PCDHGA1: variants seen among roughly 807,000 people sequenced by gnomAD.
PCDHGA1 encodes protocadherin gamma subfamily A, 1, also known as protocadherin gamma-A1.
In PCDHGA1, 32 loss-of-function variants were observed where a neutral mutation model predicts 58.0. The observed-to-expected ratio is 0.55, with a 90% CI of 0.42 to 0.74. PCDHGA1 has a LOEUF of 0.74. Among genes scored for constraint, PCDHGA1 ranks in the 30% least tolerant of loss-of-function variants. PCDHGA1 has a pLI of 0.00. For missense variants in PCDHGA1, 1,205 were observed against 1,182.3 expected (o/e 1.02, Z -0.28); for synonymous variants, 498 against 501.1 (o/e 0.99, Z 0.08).
intron 1 of PCDHGA1, chr5:141,385,135 G>A (rs948872903): frequency 6.2e-7 from 1 of 1,614,214 alleles, no homozygotes; most frequent in Admixed American, 1.7e-5. Context: ...CATGGACGGG[G>A]TGCAGGCTTT....
At position 141,487,488 on chromosome 5, in the gene PCDHGA1, G is replaced by A; in HGVS notation, c.2422-7319G>A. ...GATGTGGGAGGCCACTCTCATGGCT[G>A]TACACCCTTGGCTTCTGCACCCACT... On this transcript the variant is annotated intron_variant, in intron 1 of 3. Transcript: ENST00000517417. This position sits in a 1 kb window ranked among gnomAD's most constrained non-coding sequence, Gnocchi z 5.0. The A allele has an allele frequency of 6.2e-7, 1 of 1,614,204 alleles. No homozygotes were observed. The highest frequency in any genetic ancestry group is 8.5e-7 in the Non-Finnish European group (1 of 1,180,038).
At chr5:141,369,364 A>G (rs1766184094) in intron 1 of PCDHGA1, among the ~76,000 whole-genome samples, 2 of 152,320 alleles carry the variant, frequency 1.3e-5, no homozygotes, top group African/African-American at 4.8e-5. Context: ...ATGAAAAAAC[A>G]TCCTTTGTAA....
rs150878327 is a variant in PCDHGA1 at position 141,438,347 on chromosome 5, C to A, written c.2422-56460C>A. On this transcript the variant is annotated intron_variant, in intron 1 of 3. Coordinates refer to ENST00000517417, the MANE Select transcript of PCDHGA1 (RefSeq NM_018912.3). ...CTTATACATGTCATATAAGGATCTACTCTGTGTATTGTCATTGAGGGCAGA... is the reference window on the plus strand; with the variant it reads ...CTTATACATGTCATATAAGGATCTAATCTGTGTATTGTCATTGAGGGCAGA... Among the ~76,000 whole-genome samples the A allele has an allele frequency of 3.9e-3, 588 of 151,848 alleles. 6 individuals are homozygous for A. Among genetic ancestry groups the A allele is most frequent in the Admixed American group, 0.011 (169 of 15,256 alleles).
At chr5:141,446,922 T>G (rs939249512) in intron 1 of PCDHGA1, among the ~76,000 whole-genome samples, 1 of 152,220 alleles carries the variant, frequency 6.6e-6, no homozygotes, top group Non-Finnish European at 1.5e-5. Context: ...TTTATCTTCC[T>G]GATCTCTTTT....
intron 1 of PCDHGA1, chr5:141,339,238 G>A: frequency 7.4e-6 from 12 of 1,614,270 alleles, no homozygotes; most frequent in Middle Eastern, 1.6e-4. Flanking sequence ...CTGCGAACAG[G>A]ATAGACCGGG....
In PCDHGA1 at chr5:141,476,034, C is replaced by G. The variant is rs934044974; in HGVS notation, c.2422-18773C>G. On this transcript the variant is annotated intron_variant, in intron 1 of 3. Transcript: ENST00000517417. This position sits in a 1 kb window ranked among gnomAD's most constrained non-coding sequence, Gnocchi z 7.6. ...CCATGTCGGACTCGGCGCCCAGCGC[C>G]CAAGCGCTAACCCGCTGAAAGTTTC... The G allele has an allele frequency of 2.0e-6, 3 of 1,464,488 alleles. No homozygotes were observed. Among genetic ancestry groups the G allele is most frequent in the Non-Finnish European group, 2.7e-6 (3 of 1,100,656 alleles). 90.7% of individuals were successfully genotyped at this position (1,464,488 alleles called of 1,614,324 possible). A position where few individuals can be genotyped will look rare whatever the true frequency, so the allele number is the denominator to read the frequency against.
chr5:141,418,773 A>G, intron 1 of PCDHGA1: 2 of 1,613,904 alleles, frequency 1.2e-6, no homozygotes, highest in Non-Finnish European at 1.7e-6. Flanking sequence ...CTAACTCAGC[A>G]GCCTTTGGAT....
intron 1 of PCDHGA1, among the ~76,000 whole-genome samples, chr5:141,430,014 G>A (rs925858697): frequency 6.6e-6 from 1 of 152,130 alleles, no homozygotes; most frequent in South Asian, 2.1e-4. Context: ...TTTCACTTGG[G>A]TTCTTGTTAA....
Position 141,491,478 on chromosome 5 carries a change from C to A in PCDHGA1, c.2422-3329C>A. ...CCCCGGACTTCTATAAGCAGTCCAG[C>A]CCCAACCTGCAGGTGAGCTCGGACG... On this transcript the variant is annotated intron_variant, in intron 1 of 3. Coordinates refer to ENST00000517417, the MANE Select transcript of PCDHGA1 (RefSeq NM_018912.3). The surrounding 1 kb of genome is among the most constrained non-coding windows in gnomAD (Gnocchi z 6.9). 6.2e-7 allele frequency: 1 copy of A among 1,614,068 alleles called. No individual in the cohort carries two copies. Among genetic ancestry groups the A allele is most frequent in the Non-Finnish European group, 8.5e-7 (1 of 1,180,004 alleles).
In PCDHGA1 at chr5:141,408,807, G is replaced by A. The variant is rs372007066; in HGVS notation, c.2421+75702G>A. On this transcript the variant is annotated intron_variant, in intron 1 of 3. Transcript: ENST00000517417. ...TTATCTCTGGAGAAACTCCTAGACCGGGAAGAACAGAGATCTCATAGCTTG... is the reference window on the plus strand; with the variant it reads ...TTATCTCTGGAGAAACTCCTAGACCAGGAAGAACAGAGATCTCATAGCTTG... 1.2e-5 allele frequency: 20 copies of A among 1,612,986 alleles called. No homozygotes were observed. Among genetic ancestry groups the A allele is most frequent in the Middle Eastern group, 1.6e-4 (1 of 6,084 alleles).
chr5:141,390,052 G>C (rs2092030783), intron 1 of PCDHGA1: 1 of 1,613,960 alleles, frequency 6.2e-7, no homozygotes, highest in Non-Finnish European at 8.5e-7. Context: ...GCCTCCTGGA[G>C]CTGCTTCCAG....
intron 1 of PCDHGA1, chr5:141,409,566 C>T: frequency 2.5e-6 from 4 of 1,613,978 alleles, no homozygotes; most frequent in Middle Eastern, 1.6e-4. Context: ...TTCGACCAGA[C>T]GTCCTACGTG....
chr5:141,372,725 A>G (rs1258286952), intron 1 of PCDHGA1: 4 of 1,613,884 alleles, frequency 2.5e-6, no homozygotes, highest in Admixed American at 1.7e-5. Flanking sequence ...ATGCTGCACC[A>G]CAAGATCTTC....
intron 1 of PCDHGA1, among the ~76,000 whole-genome samples, chr5:141,348,493 A>C (rs1758130989): frequency 6.6e-6 from 1 of 152,196 alleles, no homozygotes; most frequent in Admixed American, 6.5e-5. Context: ...AGGAGAAAAA[A>C]AATTAATTAG....
In PCDHGA1 at chr5:141,398,692, A is replaced by G. The variant is rs150385715; in HGVS notation, c.2421+65587A>G. 1.9e-3 allele frequency: 3,041 copies of G among 1,613,942 alleles called. 6 individuals carry two copies. Among genetic ancestry groups the G allele is most frequent in the Non-Finnish European group, 2.3e-3 (2,760 of 1,179,898 alleles). On this transcript the variant is annotated intron_variant, in intron 1 of 3. Coordinates refer to ENST00000517417, the MANE Select transcript of PCDHGA1 (RefSeq NM_018912.3). The stretch of plus-strand genomic sequence containing the variant: ...AATAATTAAGGAGAAACAGGATGGT[A>G]GTAAATACCCGGAACTGGCACTGGA...
At chr5:141,456,593 G>C (rs917316601) in intron 1 of PCDHGA1, among the ~76,000 whole-genome samples, 2 of 152,168 alleles carry the variant, frequency 1.3e-5, no homozygotes, top group African/African-American at 4.8e-5. Flanking sequence ...CAATAATTTT[G>C]ATTTGATTTT....
intron 1 of PCDHGA1, chr5:141,423,619 T>A (rs1389600826): frequency 1.2e-6 from 2 of 1,608,208 alleles, no homozygotes; most frequent in Non-Finnish European, 1.7e-6. Context: ...AGCTGAAGAC[T>A]CAGCTATCAT....
At chr5:141,399,174 T>C (rs2093763814) in intron 1 of PCDHGA1, 1 of 1,613,700 alleles carries the variant, frequency 6.2e-7, no homozygotes, top group Admixed American at 1.7e-5. Context: ...ATTCTCTACT[T>C]GAAATGATTC....
intron 1 of PCDHGA1, chr5:141,374,190 C>T: frequency 6.2e-7 from 1 of 1,613,820 alleles, no homozygotes; most frequent in Non-Finnish European, 8.5e-7. Context: ...TACTCTATTC[C>T]CGAGGAGCTG....
Sources: gnomAD v4.1 joint callset for allele counts (sites outside exome capture counted in the v4.1 genomes callset) on GRCh38, gnomAD v4.1.1 for gene constraint, Gnocchi (gnomAD v3.1) non-coding constraint, MANE v1.5 for transcripts, NCBI Gene and HGNC (gene_info 2026-07-23, HGNC 2026-07-21) for gene names.